Variants in MEF2A observed in about 807,000 individuals in gnomAD.
MEF2A encodes myocyte-specific enhancer factor 2A.
MEF2A carries 28 observed loss-of-function variants against 55.8 expected under a neutral mutation model. The observed-to-expected ratio is 0.50, with a 90% CI of 0.37 to 0.69. MEF2A has a LOEUF of 0.69. Among genes scored for constraint, MEF2A ranks in the 30% least tolerant of loss-of-function variants. MEF2A has a pLI of 0.00. For synonymous variants in MEF2A, 239 were observed against 227.1 expected (o/e 1.05, Z -0.47); for missense variants, 528 against 626.2 (o/e 0.84, Z 1.67).
intron 4 of MEF2A, among the ~76,000 whole-genome samples, chr15:99,656,633 C>T (rs2047763848): frequency 6.6e-6 from 1 of 152,016 alleles, no homozygotes; most frequent in Non-Finnish European, 1.5e-5. Context: ...TTTCAGTAAC[C>T]TAATTAATCA....
At position 99,712,147 on chromosome 15, in the gene MEF2A, A is replaced by G; in HGVS notation, c.1137-243A>G. On this transcript the variant is annotated intron_variant, in intron 11 of 11. Transcript: ENST00000557942. The surrounding 1 kb of genome is among the most constrained non-coding windows in gnomAD (Gnocchi z 4.1). ...TGTATACTTTAGCTGCAAAAGTACC[A>G]ACGTTGTGGGTAACAGAACCAAGTA... is the stretch of plus-strand genomic sequence containing the variant. Among the ~76,000 whole-genome samples the G allele has an allele frequency of 6.6e-6, 1 of 152,162 alleles. No homozygotes were observed. Among genetic ancestry groups the G allele is most frequent in the East Asian group, 1.9e-4 (1 of 5,190 alleles).
At chr15:99,635,461 C>T (rs186819227) in intron 3 of MEF2A, among the ~76,000 whole-genome samples, 78 of 152,002 alleles carry the variant, frequency 5.1e-4, no homozygotes, top group African/African-American at 1.9e-3. Context: ...AAAAGTAAAC[C>T]GTATTAAAGT....
chr15:99,651,636 G>A (rs772931811), intron 4 of MEF2A, among the ~76,000 whole-genome samples: 11 of 152,134 alleles, frequency 7.2e-5, no homozygotes, highest in Non-Finnish European at 1.3e-4. Context: ...GCTCTCCTCC[G>A]CTTCCCACAT....
chr15:99,699,964 G>GTGTGTT (rs1567482890), intron 8 of MEF2A, among the ~76,000 whole-genome samples: 1 of 66,808 alleles, frequency 1.5e-5, no homozygotes, highest in African/African-American at 3.9e-5. Flanking sequence ...GTGTGTGTGT[G>GTGTGTT]TGTGTGTGTG....
Position 99,637,641 on chromosome 15 carries a change from CT to C in MEF2A, c.54+4481del, listed in dbSNP as rs745441432. Reference sequence around the variant, plus strand: ...CCAGCCAACACTTGTTATTGTCTGTCTTTTTTTTTTTTTCTGTGTAAGACGG... The same window carrying C: ...CCAGCCAACACTTGTTATTGTCTGTCTTTTTTTTTTTTCTGTGTAAGACGG... On this transcript the variant is annotated intron_variant, in intron 3 of 11. Coordinates refer to ENST00000557942, the MANE Select transcript of MEF2A (RefSeq NM_001319206.4). 6.0e-3 allele frequency among the ~76,000 whole-genome samples: 870 copies of C among 145,964 alleles called. 2 individuals carry two copies. The highest frequency in any genetic ancestry group is 8.5e-3 in the Non-Finnish European group (564 of 65,978).
At chr15:99,654,258 G>C (rs1264343857) in intron 4 of MEF2A, among the ~76,000 whole-genome samples, 3 of 152,016 alleles carry the variant, frequency 2.0e-5, no homozygotes, top group Non-Finnish European at 4.4e-5. Context: ...TATTAGTAAA[G>C]TAGATATCTG....
chr15:99,698,783 ACT>A (rs1324029597), intron 8 of MEF2A, among the ~76,000 whole-genome samples: 1 of 151,126 alleles, frequency 6.6e-6, no homozygotes, highest in Non-Finnish European at 1.5e-5. Context: ...CAAGAGTGAA[ACT>A]CTGTCTCAAA....
At chr15:99,708,254 G>C (rs1417381610) in intron 10 of MEF2A, among the ~76,000 whole-genome samples, 3 of 152,220 alleles carry the variant, frequency 2.0e-5, no homozygotes, top group Non-Finnish European at 4.4e-5. Flanking sequence ...TGTTGTGATT[G>C]TGAATTTATA....
intron 7 of MEF2A, among the ~76,000 whole-genome samples, chr15:99,688,496 G>A (rs960244841): frequency 1.3e-5 from 2 of 152,174 alleles, no homozygotes; most frequent in African/African-American, 4.8e-5. Flanking sequence ...GTTGGCTCAT[G>A]CCTGTAATCC....
chr15:99,692,470 C>T (rs2055676370), intron 8 of MEF2A, among the ~76,000 whole-genome samples: 1 of 152,158 alleles, frequency 6.6e-6, no homozygotes, highest in Non-Finnish European at 1.5e-5. Context: ...GGCCCAGATA[C>T]TCCAGAGTCA....
chr15:99,590,849 TAATC>T (rs1969034077), intron 1 of MEF2A, among the ~76,000 whole-genome samples: 3 of 152,168 alleles, frequency 2.0e-5, no homozygotes, highest in Admixed American at 2.0e-4. Context: ...TTGCTTTAGA[TAATC>T]AAATATCTTC....
At chr15:99,626,128 T>A (rs953132586) in intron 2 of MEF2A, among the ~76,000 whole-genome samples, 3 of 152,180 alleles carry the variant, frequency 2.0e-5, no homozygotes, top group Non-Finnish European at 4.4e-5. Context: ...TCAATCTCCT[T>A]ACTAGTTATT....
At chr15:99,711,429 C>T (rs1249299188) in intron 11 of MEF2A, among the ~76,000 whole-genome samples, 4 of 152,154 alleles carry the variant, frequency 2.6e-5, no homozygotes, top group Admixed American at 6.5e-5. Flanking sequence ...TTTACAGTGG[C>T]GCCCAGATGA....
chr15:99,627,540 G>C (rs752012026), intron 2 of MEF2A, among the ~76,000 whole-genome samples: 2 of 150,376 alleles, frequency 1.3e-5, no homozygotes, highest in Non-Finnish European at 3.0e-5. Flanking sequence ...GTTTATTTAG[G>C]AAAAGTGTAT....
chr15:99,660,120 C>T (rs2048381722), intron 4 of MEF2A, among the ~76,000 whole-genome samples: 1 of 150,036 alleles, frequency 6.7e-6, no homozygotes, highest in South Asian at 2.1e-4. Context: ...AATCAGAAGC[C>T]AGTCTCACTG....
rs369091586 is a variant in MEF2A, at chr15:99,706,714, T to C, written c.883-15T>C. 6.8e-6 allele frequency: 11 copies of C among 1,611,356 alleles called. No homozygotes were observed. Among genetic ancestry groups the C allele is most frequent in the African/African-American group, 1.3e-5 (1 of 74,928 alleles). ...TACCACATCAGAACACATTTTCTCT[T>C]TTTTGATCTCACAGAATACCCAGAG... On this transcript the variant is annotated splice_polypyrimidine_tract_variant and intron_variant, in intron 9 of 11. Transcript: ENST00000557942.
chr15:99,585,589 G>A (rs748971753), intron 1 of MEF2A, among the ~76,000 whole-genome samples: 7 of 152,070 alleles, frequency 4.6e-5, no homozygotes, highest in Non-Finnish European at 8.8e-5. Flanking sequence ...ACGCAGTGAC[G>A]ACTTTTCAAT....
At chr15:99,584,569 G>A (rs1490671695) in intron 1 of MEF2A, among the ~76,000 whole-genome samples, 2 of 152,144 alleles carry the variant, frequency 1.3e-5, no homozygotes, top group East Asian at 3.8e-4. Context: ...AGTGAAAGAA[G>A]CCAGCCACAA....
Position 99,703,404 on chromosome 15 carries a change from T to C in MEF2A, c.882+19T>C. 6.3e-7 allele frequency: 1 copy of C among 1,591,898 alleles called. No individual in the cohort carries two copies. The highest frequency in any genetic ancestry group is 8.5e-7 in the Non-Finnish European group (1 of 1,171,762). On this transcript the variant is annotated intron_variant, in intron 9 of 11. Coordinates refer to ENST00000557942, the MANE Select transcript of MEF2A (RefSeq NM_001319206.4). ...GGAGTTGGTGAGTGTGGGTTTCTGC[T>C]TGAAGGAAGTTGAAAAAGATGTAGA...
Sources: allele counts gnomAD v4.1 joint callset (sites outside exome capture counted in the v4.1 genomes callset), GRCh38; gene constraint gnomAD v4.1.1; non-coding constraint Gnocchi (gnomAD v3.1); transcripts MANE v1.5; gene names NCBI Gene and HGNC (gene_info 2026-07-23, HGNC 2026-07-21).